The following RIC1 variants were observed in gnomAD, a reference collection of about 807,000 sequenced individuals.
The protein encoded by RIC1 is guanine nucleotide exchange factor subunit RIC1.
Under a neutral mutation model 169.0 loss-of-function variants are expected in RIC1, and 88 were observed. The observed-to-expected ratio is 0.52, with a 90% CI of 0.44 to 0.62. RIC1 has a LOEUF of 0.62. RIC1 is among the 20% of genes least tolerant of loss of function. RIC1 has a pLI of 0.00. For synonymous variants in RIC1, 790 were observed against 601.5 expected, an observed-to-expected ratio of 1.31 and a Z score of -4.59; for missense variants, 1,877 against 1,725.5, an observed-to-expected ratio of 1.09 and a Z score of -1.56.
intron 7 of RIC1, among the ~76,000 whole-genome samples, chr9:5,733,498 G>C (rs1304348622): frequency 1.3e-5 from 2 of 151,984 alleles, no homozygotes; most frequent in Non-Finnish European, 2.9e-5. Context: ...TTGATCTCCT[G>C]ACCTTGTGAT....
At chr9:5,732,181 A>T (rs1372779719) in intron 6 of RIC1, among the ~76,000 whole-genome samples, 1 of 152,180 alleles carries the variant, frequency 6.6e-6, no homozygotes, top group East Asian at 1.9e-4. Flanking sequence ...TATCAGACCA[A>T]TTCATGAGAA....
rs116166748 is a variant in RIC1 at position 5,645,703 on chromosome 9, C to T, written c.145-10880C>T. Reference sequence around the variant, plus strand: ...GCACTCAGCATGTCTTAAGTTTTATCCATGCTGTAGCATGTACCAAAATTT... The same window carrying T: ...GCACTCAGCATGTCTTAAGTTTTATTCATGCTGTAGCATGTACCAAAATTT... On this transcript the variant is annotated intron_variant, in intron 1 of 25. Transcript: ENST00000414202. 9.1e-3 allele frequency among the ~76,000 whole-genome samples: 1,382 copies of T among 152,304 alleles called. 20 individuals are homozygous for T. Among genetic ancestry groups the T allele is most frequent in the African/African-American group, 0.032 (1,322 of 41,568 alleles).
intron 3 of RIC1, among the ~76,000 whole-genome samples, chr9:5,711,251 A>G (rs1431105257): frequency 6.6e-6 from 1 of 152,192 alleles, no homozygotes; most frequent in African/African-American, 2.4e-5. Flanking sequence ...ACATGTCCCC[A>G]GTGTACTTAT....
chr9:5,672,626 G>C (rs1403384221), intron 2 of RIC1, among the ~76,000 whole-genome samples: 1 of 152,106 alleles, frequency 6.6e-6, no homozygotes, highest in Non-Finnish European at 1.5e-5. Flanking sequence ...AAGAAAACAA[G>C]ACAGAACAAG....
intron 8 of RIC1, 133 bp downstream of exon 8, chr9:5,738,671 A>G (rs1824886383): frequency 2.1e-6 from 1 of 479,258 alleles, no homozygotes; most frequent in African/African-American, 2.0e-5. Flanking sequence ...GGGTGTGTAA[A>G]CTGGCTCAAG....
chr9:5,709,389 G>A (rs1822795127), intron 3 of RIC1, among the ~76,000 whole-genome samples: 2 of 152,098 alleles, frequency 1.3e-5, no homozygotes, highest in South Asian at 4.1e-4. Flanking sequence ...GTTGCTTAGA[G>A]CCTTAAATAT....
intron 8 of RIC1, among the ~76,000 whole-genome samples, chr9:5,739,175 C>T (rs989613171): frequency 5.3e-5 from 8 of 152,130 alleles, no homozygotes; most frequent in East Asian, 3.9e-4. Context: ...ATCCACTCCA[C>T]CTTCTGAATC....
At chr9:5,722,227 TA>T (rs1408835085) in intron 6 of RIC1, among the ~76,000 whole-genome samples, 12 of 149,620 alleles carry the variant, frequency 8.0e-5, no homozygotes, top group African/African-American at 2.7e-4. Flanking sequence ...TTTTCCACAG[TA>T]CCACAAAACA....
intron 1 of RIC1, among the ~76,000 whole-genome samples, chr9:5,631,293 A>C (rs538737470): frequency 1.3e-5 from 2 of 152,286 alleles, no homozygotes; most frequent in Admixed American, 1.3e-4. Context: ...AGGGACCCCT[A>C]CTATTAAGTT....
At chr9:5,689,584 TA>T (rs1821474625) in intron 2 of RIC1, among the ~76,000 whole-genome samples, 1 of 152,214 alleles carries the variant, frequency 6.6e-6, no homozygotes, top group South Asian at 2.1e-4. Context: ...AATAAAGCCA[TA>T]AAGTGGCATT....
intron 2 of RIC1, among the ~76,000 whole-genome samples, chr9:5,664,226 T>C (rs1586904432): frequency 6.6e-6 from 1 of 151,928 alleles, no homozygotes; most frequent in South Asian, 2.1e-4. Context: ...TGGCCAACAT[T>C]GTGAAAAACC....
downstream of RIC1, among the ~76,000 whole-genome samples, chr9:5,777,805 C>CTTAA (rs770917418): frequency 3.3e-5 from 5 of 152,148 alleles, no homozygotes; most frequent in East Asian, 3.9e-4. Flanking sequence ...TTTATAGATT[C>CTTAA]TTAATTGTAT....
At chr9:5,696,955 C>T (rs1292032557) in intron 3 of RIC1, among the ~76,000 whole-genome samples, 1 of 152,148 alleles carries the variant, frequency 6.6e-6, no homozygotes, top group African/African-American at 2.4e-5. Flanking sequence ...TTCTGAAGTC[C>T]ACTGAATGTC....
intron 4 of RIC1, among the ~76,000 whole-genome samples, chr9:5,718,227 A>G (rs1239417286): frequency 4.6e-5 from 7 of 150,670 alleles, no homozygotes; most frequent in South Asian, 2.1e-4. Flanking sequence ...TGTTTTCTAT[A>G]CAAGGCTGGT....
rs1389213859 is a variant in RIC1 at position 5,757,382 on chromosome 9, C to G, written c.1923C>G (p.Phe641Leu). The G allele has an allele frequency of 1.9e-6, 3 of 1,614,066 alleles. No individual in the cohort carries two copies. The highest frequency in any genetic ancestry group is 2.5e-6 in the Non-Finnish European group (3 of 1,179,934). The change falls in exon 17 of 26, where the codon TTC becomes TTG. Residue 641 changes from phenylalanine to leucine, a missense_variant. Physicochemically the swap from Phe to Leu is conservative, Grantham distance 22. Around this residue, in one of 3 missense-constraint regions of RIC1, gnomAD observed 1,104 missense variants for 992.0 expected, o/e 1.11. Coordinates refer to ENST00000414202, the MANE Select transcript of RIC1 (RefSeq NM_020829.4). ...TGTCACGCTACATTCCTCACCCTTT[C>G]CTGGTGGTATCTGTCACTCTGACAT... ...VSMSRYIPHP[F>L]LVVSVTLTSV... is the part of the protein sequence containing the mutation.
At chr9:5,764,947 C>G (rs1490297793) in intron 19 of RIC1, 1 of 152,850 alleles carries the variant, frequency 6.5e-6, no homozygotes, top group Admixed American at 6.5e-5. Context: ...TCTGAATGTG[C>G]AGCAGAACTT....
chr9:5,770,123 C>CA lies in RIC1; in HGVS notation c.3462dup (p.Phe1155IlefsTer5). On this transcript the variant is annotated frameshift_variant, in exon 23 of 26. Transcript: ENST00000414202. LOFTEE classifies it high-confidence loss of function. ...CTGTTAAAGTCTCAATCAGCTGACC[C>CA]ATTTTTGAACCTTGAGATGGATGCT... 6.2e-7 allele frequency: 1 copy of CA among 1,613,402 alleles called. No homozygotes were observed. Among genetic ancestry groups the CA allele is most frequent in the Non-Finnish European group, 8.5e-7 (1 of 1,179,710 alleles).
In RIC1 at chr9:5,696,257, AT is replaced by A. The variant is rs202023008; in HGVS notation, c.332+6232del. 9.2e-3 allele frequency among the ~76,000 whole-genome samples: 1,352 copies of A among 146,246 alleles called. 31 individuals carry two copies. The highest frequency in any genetic ancestry group is 0.05 in the Admixed American group (733 of 14,694). ...AAGTTTATCATTTGCATTGATAACAATTTTTTTTTTTTTCCAAAACGAAGTC... is the reference window on the plus strand; with the variant it reads ...AAGTTTATCATTTGCATTGATAACAATTTTTTTTTTTTCCAAAACGAAGTC... On this transcript the variant is annotated intron_variant, in intron 3 of 25. Transcript: ENST00000414202.
intron 1 of RIC1, among the ~76,000 whole-genome samples, chr9:5,641,654 G>T (rs1818256223): frequency 1.7e-5 from 2 of 115,084 alleles, no homozygotes; most frequent in African/African-American, 1.0e-4. Flanking sequence ...CAAGTAGCCT[G>T]TCTCCAAGCC....
Sources: gnomAD v4.1 joint callset for allele counts (sites outside exome capture counted in the v4.1 genomes callset) on GRCh38, gnomAD v4.1.1 for gene constraint, gnomAD v4.1.1 regional missense constraint, MANE v1.5 for transcripts, NCBI Gene and HGNC (gene_info 2026-07-23, HGNC 2026-07-21) for gene names.